Variants in LRRC4C observed in about 807,000 individuals in gnomAD.
The protein encoded by LRRC4C is leucine rich repeat containing 4C, also known as leucine-rich repeat-containing protein 4C.
In LRRC4C, 5 loss-of-function variants were observed where a neutral mutation model predicts 33.6. The observed-to-expected ratio is 0.15, with a 90% confidence interval of 0.08 to 0.31. The LOEUF (loss-of-function observed/expected upper bound fraction) is 0.31. Among genes scored for constraint, LRRC4C ranks in the 10% least tolerant of loss-of-function variants. The pLI, the probability that LRRC4C is intolerant of heterozygous loss-of-function variation, is 1.00. For synonymous variants in LRRC4C, 329 were observed against 302.0 expected, an observed-to-expected ratio of 1.09 and a Z score of -0.93; for missense variants, 560 against 796.7, an observed-to-expected ratio of 0.70 and a Z score of 3.58.
At chr11:41,092,127 T>C (rs923901823) in intron 1 of LRRC4C, among the ~76,000 whole-genome samples, 3 of 152,210 alleles carry the variant, frequency 2.0e-5, no homozygotes, top group Non-Finnish European at 2.9e-5. Context: ...ATAATTTTTA[T>C]TTTTTGTAGG....
rs759884910 is a variant in LRRC4C, at chr11:40,686,758, T to A, written c.-406-38480A>T. The stretch of plus-strand genomic sequence containing the variant: ...TATTAAGAGTTTGAGAAAAATTGAC[T>A]TGAAATCTCTATTATAACCATATTA... On this transcript the variant is annotated intron_variant, in intron 2 of 6. Transcript: ENST00000528697. Among the ~76,000 whole-genome samples, 56 of 152,136 alleles carry A rather than the reference T, an allele frequency of 3.7e-4. 2 individuals carry two copies. Among genetic ancestry groups the A allele is most frequent in the Non-Finnish European group, 7.4e-5 (5 of 68,008 alleles).
chr11:40,368,564 C>A (rs868095373), intron 3 of LRRC4C, among the ~76,000 whole-genome samples: 14 of 152,302 alleles, frequency 9.2e-5, no homozygotes, highest in African/African-American at 3.1e-4. Context: ...CAGTTCCTGA[C>A]TTCAGCTTTA....
At chr11:40,397,977 C>T (rs1949607727) in intron 3 of LRRC4C, among the ~76,000 whole-genome samples, 1 of 151,640 alleles carries the variant, frequency 6.6e-6, no homozygotes, top group African/African-American at 2.4e-5. Context: ...TATAATGATG[C>T]AATAATTATT....
At chr11:41,291,227 G>A (rs1591174553) in intron 1 of LRRC4C, among the ~76,000 whole-genome samples, 1 of 152,126 alleles carries the variant, frequency 6.6e-6, no homozygotes, top group Non-Finnish European at 1.5e-5. Context: ...TTAGGAAGGA[G>A]AGAATTTAGA....
Position 40,115,953 on chromosome 11 carries a change from T to C in LRRC4C, c.340A>G (p.Thr114Ala). 6.2e-7 allele frequency: 1 copy of C among 1,614,112 alleles called. No individual in the cohort carries two copies. Residue 114 changes from threonine (T) to alanine (A), a missense_variant, in exon 7 of 7, where the codon ACC becomes GCC. Physicochemically the swap from Thr to Ala is moderately conservative, Grantham distance 58. This residue lies in a region of LRRC4C where 455 missense variants were observed against 643.8 expected (regional missense o/e 0.71). Coordinates refer to ENST00000528697, the MANE Select transcript of LRRC4C (RefSeq NM_001258419.2). The surrounding 1 kb of genome is among the most constrained non-coding windows in gnomAD (Gnocchi z 6.7). ...ILQLSRNHIR[T>A]IEIGAFNGLA... ...CCATTGAAAGCCCCAATTTCAATGG[T>C]TCTGATATGGTTCCTACTCAACTGT...
Position 40,114,249 on chromosome 11 carries a change from CT to C in LRRC4C, c.*120del. 2 of 1,118,966 alleles carry C rather than the reference CT, an allele frequency of 1.8e-6. No individual in the cohort carries two copies. The highest frequency in any genetic ancestry group is 3.8e-5 in the South Asian group (2 of 52,468). 69.3% of individuals were successfully genotyped at this position (1,118,966 alleles called of 1,614,324 possible). On this transcript the variant is annotated 3_prime_UTR_variant, in exon 7 of 7. Transcript: ENST00000528697. ...AATTTTTAATAAATAAATTTCTTTT[CT>C]TTTTTGTTTTTTTGTAAAGACACTT... is the stretch of plus-strand genomic sequence containing the variant.
At chr11:40,736,469 A>G (rs753002656) in intron 2 of LRRC4C, among the ~76,000 whole-genome samples, 4 of 152,126 alleles carry the variant, frequency 2.6e-5, no homozygotes, top group Non-Finnish European at 4.4e-5. Context: ...TGCTGCAATA[A>G]ACATACGTGT....
Position 40,578,140 on chromosome 11 carries a change from GGTTTT to G in LRRC4C, c.-270+69997_-270+70001del, listed in dbSNP as rs1958291229. ...TGATATTATTGGACTTTTTTTTTTC[GGTTTT>G]TTTTTTTTTTTTTTTTTTTTTTTTT... On this transcript the variant is annotated intron_variant, in intron 3 of 6. Coordinates refer to ENST00000528697, the MANE Select transcript of LRRC4C (RefSeq NM_001258419.2). Among the ~76,000 whole-genome samples the G allele has an allele frequency of 1.5e-4, 6 of 40,570 alleles. 2 individuals are homozygous for G. Among genetic ancestry groups the G allele is most frequent in the Middle Eastern group, 0.032 (2 of 62 alleles). The allele number at this position is 40,570 out of a possible 152,430, so 26.6% of individuals were successfully genotyped here.
intron 1 of LRRC4C, among the ~76,000 whole-genome samples, chr11:41,302,261 G>T (rs951254655): frequency 2.0e-5 from 3 of 152,156 alleles, no homozygotes; most frequent in African/African-American, 7.2e-5. Context: ...AGGAAATGTG[G>T]AATGGACTGT....
intron 2 of LRRC4C, among the ~76,000 whole-genome samples, chr11:40,784,000 C>T (rs920127944): frequency 6.6e-6 from 1 of 152,150 alleles, no homozygotes; most frequent in Non-Finnish European, 1.5e-5. Flanking sequence ...TATTTGCATA[C>T]TTTGTCAGAG....
chr11:40,218,172 A>G (rs1415590542), intron 5 of LRRC4C, among the ~76,000 whole-genome samples: 1 of 152,120 alleles, frequency 6.6e-6, no homozygotes, highest in Non-Finnish European at 1.5e-5. Flanking sequence ...TTTTATCCCA[A>G]AATGTTTTGC....
chr11:41,107,379 C>T (rs1033225481), intron 1 of LRRC4C, among the ~76,000 whole-genome samples: 2 of 151,830 alleles, frequency 1.3e-5, no homozygotes, highest in South Asian at 2.1e-4. Context: ...ATGTAGATAT[C>T]GATCTAAAAC....
At chr11:40,383,839 C>G (rs1027512104) in intron 3 of LRRC4C, among the ~76,000 whole-genome samples, 1 of 151,498 alleles carries the variant, frequency 6.6e-6, no homozygotes, top group Non-Finnish European at 1.5e-5. Context: ...CATGCAACAC[C>G]GTGCCCGGCT....
intron 1 of LRRC4C, among the ~76,000 whole-genome samples, chr11:41,217,801 A>G (rs913868420): frequency 4.6e-5 from 7 of 152,048 alleles, no homozygotes; most frequent in African/African-American, 1.7e-4. Flanking sequence ...CAATGCAATA[A>G]ATTGATGTAG....
At chr11:40,409,214 G>C (rs941695710) in intron 3 of LRRC4C, among the ~76,000 whole-genome samples, 2 of 151,882 alleles carry the variant, frequency 1.3e-5, no homozygotes, top group Non-Finnish European at 2.9e-5. Context: ...AATGAAGCTA[G>C]ATCTTCAGTT....
intron 2 of LRRC4C, among the ~76,000 whole-genome samples, chr11:40,859,803 G>T (rs959196210): frequency 6.6e-6 from 1 of 152,162 alleles, no homozygotes; most frequent in Non-Finnish European, 1.5e-5. Flanking sequence ...GAGGCCGGAC[G>T]CGGTGGCTCA....
chr11:41,376,650 T>C (rs1952945841), intron 1 of LRRC4C, among the ~76,000 whole-genome samples: 1 of 152,184 alleles, frequency 6.6e-6, no homozygotes. Context: ...GTTAGCGATG[T>C]AAAAATGTTT....
intron 3 of LRRC4C, among the ~76,000 whole-genome samples, chr11:40,565,862 T>A (rs1205845937): frequency 6.6e-6 from 1 of 152,034 alleles, no homozygotes; most frequent in Non-Finnish European, 1.5e-5. Context: ...GGAAAAATTT[T>A]AAAAAAGACA....
chr11:40,433,968 G>A (rs1399427734), intron 3 of LRRC4C, among the ~76,000 whole-genome samples: 1 of 152,102 alleles, frequency 6.6e-6, no homozygotes, highest in East Asian at 1.9e-4. Flanking sequence ...CAATCCTAAA[G>A]GTTAAATAAC....
Sources: gnomAD v4.1 joint callset for allele counts (sites outside exome capture counted in the v4.1 genomes callset) on GRCh38, gnomAD v4.1.1 for gene constraint, gnomAD v4.1.1 regional missense constraint, Gnocchi (gnomAD v3.1) non-coding constraint, MANE v1.5 for transcripts, NCBI Gene and HGNC (gene_info 2026-07-23, HGNC 2026-07-21) for gene names.